Variants in CAMSAP1 observed in about 807,000 individuals in gnomAD.
The protein encoded by CAMSAP1 is calmodulin regulated spectrin associated protein 1.
In CAMSAP1, 58 loss-of-function variants were observed where a neutral mutation model predicts 143.5. The observed-to-expected ratio is 0.40, with a 90% CI of 0.33 to 0.50. The LOEUF (loss-of-function observed/expected upper bound fraction) is 0.50. Ranked by LOEUF, CAMSAP1 falls within the 20% of genes least tolerant of loss-of-function variation. CAMSAP1 has a pLI of 0.45. For synonymous variants in CAMSAP1, 945 were observed against 859.3 expected (o/e 1.10, Z -1.74); for missense variants, 1,969 against 2,115.7 (o/e 0.93, Z 1.36).
At chr9:135,844,657 T>C (rs1032121975) in intron 7 of CAMSAP1, among the ~76,000 whole-genome samples, 1 of 152,016 alleles carries the variant, frequency 6.6e-6, no homozygotes, top group African/African-American at 2.4e-5. Context: ...AAGAATCAAA[T>C]AGACACAATA....
chr9:135,875,449 G>A, intron 3 of CAMSAP1, among the ~76,000 whole-genome samples: 1 of 152,092 alleles, frequency 6.6e-6, no homozygotes, highest in Non-Finnish European at 1.5e-5. Context: ...GACCTCAAGT[G>A]ACCCACCCGC....
rs779168133 is a variant in CAMSAP1 at position 135,826,691 on chromosome 9, CAT to C, written c.1223+714_1223+715del. On this transcript the variant is annotated intron_variant, in intron 8 of 16. Coordinates refer to ENST00000389532, the MANE Select transcript of CAMSAP1 (RefSeq NM_015447.4). The surrounding 1 kb of genome is among the most constrained non-coding windows in gnomAD (Gnocchi z 4.4). ...TCTTAAATCCCAACTTAAATCGCCA[CAT>C]GTTAAAAATGTTTCTCCACTTTCGG... is the stretch of plus-strand genomic sequence containing the variant. Among the ~76,000 whole-genome samples, 12 of 152,224 alleles carry C rather than the reference CAT, an allele frequency of 7.9e-5. No individual in the cohort carries two copies. The highest frequency in any genetic ancestry group is 1.6e-4 in the Non-Finnish European group (11 of 68,044).
chr9:135,837,448 C>T (rs185342004), intron 7 of CAMSAP1, among the ~76,000 whole-genome samples: 100 of 148,446 alleles, frequency 6.7e-4, no homozygotes, highest in Non-Finnish European at 8.2e-4. Flanking sequence ...TACAGACACA[C>T]GTCATCACGC....
intron 7 of CAMSAP1, among the ~76,000 whole-genome samples, chr9:135,844,588 T>C (rs1364017544): frequency 6.6e-6 from 1 of 151,938 alleles, no homozygotes; most frequent in African/African-American, 2.4e-5. Context: ...CAGGAGCTGG[T>C]TTTTTGAAAC....
At chr9:135,855,559 C>T (rs972551871) in intron 5 of CAMSAP1, among the ~76,000 whole-genome samples, 5 of 150,710 alleles carry the variant, frequency 3.3e-5, no homozygotes, top group Non-Finnish European at 5.9e-5. Flanking sequence ...GCCAACATGG[C>T]GAAACCCCAT....
chr9:135,857,865 C>T (rs1837032918), intron 5 of CAMSAP1, among the ~76,000 whole-genome samples: 1 of 152,174 alleles, frequency 6.6e-6, no homozygotes, highest in South Asian at 2.1e-4. Flanking sequence ...ACACAAAAGC[C>T]CTGATTTCAG....
intron 1 of CAMSAP1, among the ~76,000 whole-genome samples, chr9:135,898,630 A>G (rs186497408): frequency 3.3e-5 from 5 of 152,366 alleles, no homozygotes; most frequent in Admixed American, 3.3e-4. Flanking sequence ...AATGCTCATC[A>G]TAAGTCATCA....
In CAMSAP1 at chr9:135,820,822, T is replaced by G. The variant is rs760491796; in HGVS notation, c.3822+17A>C. 1 of 1,609,976 alleles carries G rather than the reference T, an allele frequency of 6.2e-7. No individual in the cohort carries two copies. Among genetic ancestry groups the G allele is most frequent in the South Asian group, 1.1e-5 (1 of 90,842 alleles). Reference sequence around the variant, plus strand: ...ACACATCACGAGTGCCTGAAACAGATGCTACCAATCCCTTACCTTGAAGAA... The same window carrying G: ...ACACATCACGAGTGCCTGAAACAGAGGCTACCAATCCCTTACCTTGAAGAA... On this transcript the variant is annotated intron_variant, in intron 11 of 16. Coordinates refer to ENST00000389532, the MANE Select transcript of CAMSAP1 (RefSeq NM_015447.4). The surrounding 1 kb of genome is among the most constrained non-coding windows in gnomAD (Gnocchi z 4.4).
At position 135,811,519 on chromosome 9, in the gene CAMSAP1, A is replaced by G; in HGVS notation, c.4599T>C (p.Thr1533=). 2 of 1,608,940 alleles carry G rather than the reference A, an allele frequency of 1.2e-6. No individual in the cohort carries two copies. The highest frequency in any genetic ancestry group is 1.7e-6 in the Non-Finnish European group (2 of 1,177,384). Residue 1533 remains threonine, a synonymous_variant, in exon 17 of 17, where the codon ACT becomes ACC. Transcript: ENST00000389532. This position sits in a 1 kb window ranked among gnomAD's most constrained non-coding sequence, Gnocchi z 4.9. ...FRALYCYYPD[T]EEIYKLTGTG... Reference sequence around the variant, plus strand: ...TGCCAGTGAGTTTGTAGATTTCCTCAGTATCAGGATAGTAGCAGTAAAGCG... The same window carrying G: ...TGCCAGTGAGTTTGTAGATTTCCTCGGTATCAGGATAGTAGCAGTAAAGCG...
intron 7 of CAMSAP1, chr9:135,836,855 C>A (rs770054632): frequency 5.1e-6 from 5 of 983,970 alleles, no homozygotes; most frequent in Non-Finnish European, 4.8e-6. Flanking sequence ...ACACATCATG[C>A]ACTTTCTACC....
At chr9:135,892,997 T>C (rs1236941849) in intron 1 of CAMSAP1, among the ~76,000 whole-genome samples, 1 of 151,916 alleles carries the variant, frequency 6.6e-6, no homozygotes, top group African/African-American at 2.4e-5. Flanking sequence ...GATGAGACCC[T>C]ATCTCTACAA....
chr9:135,852,609 G>A (rs1183186854), intron 5 of CAMSAP1, among the ~76,000 whole-genome samples: 1 of 152,116 alleles, frequency 6.6e-6, no homozygotes, highest in Non-Finnish European at 1.5e-5. Flanking sequence ...CACCCCAAAG[G>A]CACCAGATTC....
In CAMSAP1 at chr9:135,821,905, A is replaced by G; in HGVS notation, c.2756T>C (p.Val919Ala). ...GGCAGCCTCGGCCTTGCCCTTCTTC[A>G]CCACATGCAGGAATGCAGCCTTGCC... ...KLGKAAFLHV[V>A]KKGKAEAAPP... Residue 919 changes from valine to alanine, a missense_variant, in exon 11 of 17, where the codon GTG (valine) becomes GCG (alanine). Physicochemically the swap from Val to Ala is moderately conservative, Grantham distance 64. This residue lies in a region of CAMSAP1 where 1,390 missense variants were observed against 1,420.8 expected (regional missense o/e 0.98). Transcript: ENST00000389532. The surrounding 1 kb of genome is among the most constrained non-coding windows in gnomAD (Gnocchi z 4.6). 1 of 1,613,812 alleles carries G rather than the reference A, an allele frequency of 6.2e-7. No individual in the cohort carries two copies. Among genetic ancestry groups the G allele is most frequent in the South Asian group, 1.1e-5 (1 of 91,060 alleles).
intron 1 of CAMSAP1, among the ~76,000 whole-genome samples, chr9:135,884,468 A>C (rs1333888248): frequency 6.6e-6 from 1 of 152,206 alleles, no homozygotes; most frequent in African/African-American, 2.4e-5. Flanking sequence ...TGAGCACCTC[A>C]TAGCTGGTTT....
chr9:135,905,344 C>T (rs1838745711), intron 1 of CAMSAP1, among the ~76,000 whole-genome samples: 2 of 152,192 alleles, frequency 1.3e-5, no homozygotes, highest in Non-Finnish European at 2.9e-5. Context: ...ATGCACCTTG[C>T]TAAAGAAATT....
intron 1 of CAMSAP1, among the ~76,000 whole-genome samples, chr9:135,886,964 T>A (rs1228751015): frequency 3.9e-5 from 6 of 152,012 alleles, no homozygotes; most frequent in Admixed American, 3.9e-4. Flanking sequence ...AGGAGGGCAG[T>A]CGGGGACAGG....
chr9:135,830,258 AAGAT>A (rs1046587640), intron 7 of CAMSAP1, among the ~76,000 whole-genome samples: 1 of 152,278 alleles, frequency 6.6e-6, no homozygotes, highest in African/African-American at 2.4e-5. Flanking sequence ...CACTAATCAA[AAGAT>A]AGAGAGTAGC....
chr9:135,836,134 A>G (rs1836024872), intron 7 of CAMSAP1: 1 of 985,340 alleles, frequency 1.0e-6, no homozygotes, highest in Admixed American at 6.1e-5. Context: ...CTTCCTGCCC[A>G]AAAGCACCCA....
At chr9:135,897,019 ACAAT>A (rs1838475607) in intron 1 of CAMSAP1, among the ~76,000 whole-genome samples, 1 of 152,204 alleles carries the variant, frequency 6.6e-6, no homozygotes, top group East Asian at 1.9e-4. Context: ...AGAACCATGA[ACAAT>A]CAATTTCTGT....
Sources: gnomAD v4.1 joint callset for allele counts (sites outside exome capture counted in the v4.1 genomes callset) on GRCh38, gnomAD v4.1.1 for gene constraint, gnomAD v4.1.1 regional missense constraint, Gnocchi (gnomAD v3.1) non-coding constraint, MANE v1.5 for transcripts, NCBI Gene and HGNC (gene_info 2026-07-23, HGNC 2026-07-21) for gene names.